ADAMTSL1: variants seen among roughly 807,000 people sequenced by gnomAD.
ADAMTSL1 encodes ADAMTS like 1.
In ADAMTSL1, 126 loss-of-function variants were observed where a neutral mutation model predicts 201.8. The observed-to-expected ratio is 0.62, with a 90% CI of 0.54 to 0.72. ADAMTSL1 has a LOEUF of 0.72. Ranked by LOEUF, ADAMTSL1 falls within the 30% of genes least tolerant of loss-of-function variation. ADAMTSL1 has a pLI of 0.00. For synonymous variants in ADAMTSL1, 1,121 were observed against 903.4 expected, an observed-to-expected ratio of 1.24 and a Z score of -4.32; for missense variants, 2,679 against 2,277.8, an observed-to-expected ratio of 1.18 and a Z score of -3.59.
intron 1 of ADAMTSL1, among the ~76,000 whole-genome samples, chr9:18,071,692 G>T (rs1381496248): frequency 2.6e-5 from 4 of 152,202 alleles, no homozygotes; most frequent in African/African-American, 9.6e-5. Context: ...GTCCTCTATA[G>T]AGATTTCTCT....
intron 23 of ADAMTSL1, among the ~76,000 whole-genome samples, chr9:18,848,057 T>C (rs1043250499): frequency 6.6e-6 from 1 of 152,220 alleles, no homozygotes; most frequent in Non-Finnish European, 1.5e-5. Context: ...AGGCTGGCTC[T>C]GGTACAAGCC....
At chr9:18,122,376 A>G (rs1248769243) in intron 1 of ADAMTSL1, among the ~76,000 whole-genome samples, 1 of 152,172 alleles carries the variant, frequency 6.6e-6, no homozygotes, top group Non-Finnish European at 1.5e-5. Context: ...GGTAGAGTCA[A>G]GAGTTTAATA....
intron 13 of ADAMTSL1, among the ~76,000 whole-genome samples, chr9:18,702,426 A>G (rs948960756): frequency 6.6e-6 from 1 of 152,258 alleles, no homozygotes; most frequent in Admixed American, 6.5e-5. Flanking sequence ...CTAACTCTAT[A>G]CTAGTCACTA....
chr9:18,378,494 T>C (rs113571209), intron 2 of ADAMTSL1, among the ~76,000 whole-genome samples: 5 of 152,208 alleles, frequency 3.3e-5, no homozygotes, highest in Non-Finnish European at 5.9e-5. Flanking sequence ...ACTTAAGATA[T>C]TAACTTGAGA....
chr9:17,983,332 G>A (rs35720463), intron 1 of ADAMTSL1, among the ~76,000 whole-genome samples: 31,228 of 151,924 alleles, frequency 0.21, 3,381 homozygotes, highest in Middle Eastern at 0.27. Context: ...GCCTCCCAAA[G>A]TGCTGGGATT....
At chr9:18,314,664 G>C (rs901828787) in intron 2 of ADAMTSL1, among the ~76,000 whole-genome samples, 2 of 151,898 alleles carry the variant, frequency 1.3e-5, no homozygotes, top group Non-Finnish European at 2.9e-5. Flanking sequence ...AGCTCATAAA[G>C]GCATGCGGAC....
At chr9:18,373,126 C>T (rs1163306152) in intron 2 of ADAMTSL1, among the ~76,000 whole-genome samples, 1 of 152,150 alleles carries the variant, frequency 6.6e-6, no homozygotes, top group Non-Finnish European at 1.5e-5. Flanking sequence ...AGTCTATTCC[C>T]ATCCAACTCT....
Position 18,376,867 on chromosome 9 carries a change from T to C in ADAMTSL1, c.208-127962T>C, listed in dbSNP as rs927818090. Among the ~76,000 whole-genome samples, 13 of 152,346 alleles carry C rather than the reference T, an allele frequency of 8.5e-5. No homozygotes were observed. In the East Asian group the frequency reaches 1.5e-3, roughly 18 times the overall value. On this transcript the variant is annotated intron_variant, in intron 2 of 29. Coordinates refer to the ADAMTSL1 transcript ENST00000680146. ...GTCAAGAAAACTTACACTATTTGAT[T>C]GACCACATGTCTATATGCCATTGCA... is the stretch of plus-strand genomic sequence containing the variant.
intron 2 of ADAMTSL1, among the ~76,000 whole-genome samples, chr9:18,381,110 G>A (rs551358715): frequency 2.0e-4 from 31 of 152,282 alleles, no homozygotes; most frequent in African/African-American, 7.5e-4. Context: ...TTGAATGGGT[G>A]GAAATGCTTT....
chr9:18,695,039 T>C (rs998862945), intron 13 of ADAMTSL1, among the ~76,000 whole-genome samples: 1 of 152,218 alleles, frequency 6.6e-6, no homozygotes, highest in Admixed American at 6.5e-5. Context: ...GCCTGAGACA[T>C]ATCTGGAGCC....
chr9:18,735,977 C>T (rs1158952592), intron 15 of ADAMTSL1, among the ~76,000 whole-genome samples: 1 of 151,778 alleles, frequency 6.6e-6, no homozygotes, highest in African/African-American at 2.4e-5. Flanking sequence ...AACTTCCACC[C>T]TAGACTAGTA....
intron 1 of ADAMTSL1, among the ~76,000 whole-genome samples, chr9:17,977,904 G>C (rs1246078417): frequency 5.3e-5 from 8 of 151,964 alleles, no homozygotes; most frequent in Non-Finnish European, 1.2e-4. Context: ...GGATGAAAGT[G>C]GCTATTAAAA....
intron 2 of ADAMTSL1, among the ~76,000 whole-genome samples, chr9:18,409,398 A>G (rs188160142): frequency 8.6e-5 from 13 of 151,100 alleles, no homozygotes; most frequent in East Asian, 1.9e-4. Context: ...AAAAAAAAAA[A>G]AAAAAAGAAA....
intron 14 of ADAMTSL1, among the ~76,000 whole-genome samples, chr9:18,714,421 C>A (rs1176916753): frequency 6.6e-6 from 1 of 152,106 alleles, no homozygotes; most frequent in Non-Finnish European, 1.5e-5. Context: ...GATATCACCA[C>A]CGATCCCACA....
intron 14 of ADAMTSL1, among the ~76,000 whole-genome samples, chr9:18,710,565 T>C (rs1027441396): frequency 7.9e-5 from 12 of 152,280 alleles, no homozygotes; most frequent in African/African-American, 2.9e-4. Flanking sequence ...GTTATGTAAA[T>C]TTGTGTTTGA....
intron 21 of ADAMTSL1, among the ~76,000 whole-genome samples, chr9:18,817,637 T>C (rs1230565729): frequency 6.6e-6 from 1 of 151,960 alleles, no homozygotes; most frequent in East Asian, 1.9e-4. Context: ...AGTGCAGAAA[T>C]GCAGGTGGGA....
chr9:18,477,930 T>C (rs1318691595), intron 1 of ADAMTSL1, among the ~76,000 whole-genome samples: 1 of 152,138 alleles, frequency 6.6e-6, no homozygotes, highest in African/African-American at 2.4e-5. Flanking sequence ...TACAGAAGAA[T>C]CTTGTTACAC....
chr9:18,460,255 T>C lies in ADAMTSL1; in HGVS notation c.208-44574T>C, dbSNP rs116591880. On this transcript the variant is annotated intron_variant, in intron 2 of 29. Coordinates refer to the ADAMTSL1 transcript ENST00000680146. ...GAGCACAATGGAAAGTTTTTCAAAATAGTAAATAAACACCGTATCTTATTT... is the reference window on the plus strand; with the variant it reads ...GAGCACAATGGAAAGTTTTTCAAAACAGTAAATAAACACCGTATCTTATTT... 2.8e-3 allele frequency among the ~76,000 whole-genome samples: 425 copies of C among 152,300 alleles called. 1 individual carries two copies. The highest frequency in any genetic ancestry group is 9.5e-3 in the African/African-American group (396 of 41,584).
At chr9:18,746,833 A>G (rs1434332203) in intron 15 of ADAMTSL1, among the ~76,000 whole-genome samples, 1 of 152,104 alleles carries the variant, frequency 6.6e-6, no homozygotes, top group Admixed American at 6.5e-5. Flanking sequence ...CAAGCTGCCA[A>G]GAAGGGTCAA....
Sources: gnomAD v4.1 joint callset for allele counts (sites outside exome capture counted in the v4.1 genomes callset) on GRCh38, gnomAD v4.1.1 for gene constraint, MANE v1.5 for transcripts, NCBI Gene and HGNC (gene_info 2026-07-23, HGNC 2026-07-21) for gene names.